The following PMS2 variants were observed in gnomAD, a reference collection of about 807,000 sequenced individuals.
PMS2 encodes mismatch repair endonuclease PMS2.
Under a neutral mutation model 90.0 loss-of-function variants are expected in PMS2, and 69 were observed. The observed-to-expected ratio is 0.77, with a 90% CI of 0.63 to 0.94. PMS2 has a LOEUF of 0.94. Among genes scored for constraint, PMS2 ranks in the 40% least tolerant of loss-of-function variants. The probability of loss-of-function intolerance (pLI) is 0.00; values close to 1 mark genes in which losing one functional copy is unlikely to be tolerated. For synonymous variants in PMS2, 332 were observed against 375.1 expected, an observed-to-expected ratio of 0.89 and a Z score of 1.33; for missense variants, 966 against 1,040.2, an observed-to-expected ratio of 0.93 and a Z score of 0.98.
chr7:5,981,895 G>A (rs1782315670), intron 12 of PMS2, among the ~76,000 whole-genome samples: 1 of 151,690 alleles, frequency 6.6e-6, no homozygotes, highest in African/African-American at 2.4e-5. Context: ...AACAGTGCCT[G>A]GCAGATTCTA....
At chr7:5,999,056 C>CTTATT in intron 6 of PMS2, 52 bp downstream of exon 6, 1 of 1,541,358 alleles carries the variant, frequency 6.5e-7, no homozygotes, top group Non-Finnish European at 9.0e-7. Flanking sequence ...AATGGAAACC[C>CTTATT]GCTATAATCA....
intron 2 of PMS2, 150 bp downstream of exon 2, chr7:6,005,742 C>T: frequency 1.8e-6 from 2 of 1,132,186 alleles, no homozygotes; most frequent in Non-Finnish European, 2.6e-6. Flanking sequence ...TAGCTAAGTA[C>T]TAGGCACATA....
rs1554298642 is a variant in PMS2, at chr7:5,989,796, T to C, written c.1144+4A>G. On this transcript the variant is annotated splice_donor_region_variant and intron_variant, in intron 10 of 14. Coordinates refer to ENST00000265849, the MANE Select transcript of PMS2 (RefSeq NM_000535.7). ...AAGCTGTTTGTACACTGTATTTTTCTTACCTTCAACATCCAGCAGTGGCTG... is the reference window on the plus strand; with the variant it reads ...AAGCTGTTTGTACACTGTATTTTTCCTACCTTCAACATCCAGCAGTGGCTG... 3 of 1,610,354 alleles carry C rather than the reference T, an allele frequency of 1.9e-6. No homozygotes were observed. Among genetic ancestry groups the C allele is most frequent in the Non-Finnish European group, 2.5e-6 (3 of 1,176,922 alleles).
chr7:5,987,213 C>G lies in PMS2; in HGVS notation c.1552G>C (p.Glu518Gln). The G allele has an allele frequency of 6.2e-7, 1 of 1,614,108 alleles. No individual in the cohort carries two copies. Residue 518 changes from glutamate to glutamine, a missense_variant, in exon 11 of 15, where the codon GAG (glutamate) becomes CAG (glutamine). Around this residue, in one of 2 missense-constraint regions of PMS2, gnomAD observed 871 missense variants for 802.4 expected, o/e 1.09. Coordinates refer to ENST00000265849, the MANE Select transcript of PMS2 (RefSeq NM_000535.7). ...TCCCCTGGGGAGCTGGCCGCATACT[C>G]GCTGCTGCAGTGACTGCCCGTGTCT... is the stretch of plus-strand genomic sequence containing the variant. ...IPDTGSHCSS[E>Q]YAASSPGDRG... is the part of the protein sequence containing the mutation.
At position 5,995,534 on chromosome 7, in the gene PMS2, C is replaced by A. The variant is rs267608153; in HGVS notation, c.903G>T (p.Lys301Asn). ...FINRRPCDPA[K>N]VCRLVNEVYH... Reference sequence around the variant, plus strand: ...ACTAACACAAAAAAATTTTAAATACCTTTGCTGGGTCACAAGGCCGCCGGT... The same window carrying A: ...ACTAACACAAAAAAATTTTAAATACATTTGCTGGGTCACAAGGCCGCCGGT... Residue 301 changes from lysine (K) to asparagine (N), a missense_variant and splice_region_variant, in exon 8 of 15, where the codon AAG (lysine) becomes AAT (asparagine). Coordinates refer to ENST00000265849, the MANE Select transcript of PMS2 (RefSeq NM_000535.7). The A allele has an allele frequency of 6.2e-7, 1 of 1,609,560 alleles. No homozygotes were observed. The highest frequency in any genetic ancestry group is 1.7e-5 in the Admixed American group (1 of 59,966).
intron 7 of PMS2, among the ~76,000 whole-genome samples, chr7:5,996,507 G>A (rs1784403569): frequency 6.7e-6 from 1 of 149,846 alleles, no homozygotes; most frequent in Non-Finnish European, 1.5e-5. Flanking sequence ...GGGAGGCAGA[G>A]GTTGCAGTGA....
At chr7:5,984,025 A>G (rs564097787) in intron 11 of PMS2, among the ~76,000 whole-genome samples, 23 of 151,960 alleles carry the variant, frequency 1.5e-4, no homozygotes, top group East Asian at 7.7e-4. Flanking sequence ...CAAATCCCCT[A>G]CTAAAGGACA....
chr7:6,002,465 C>T lies in PMS2; in HGVS notation c.525G>A (p.Arg175=), dbSNP rs1554303870. The change falls in exon 5 of 15, where the codon AGG becomes AGA. Residue 175 remains arginine (R), a synonymous_variant. Transcript: ENST00000265849. The stretch of plus-strand genomic sequence containing the variant: ...TAATTTACTGTACCTTCTTAATATT[C>T]CTTTGAAATTCCTTATGGCGCACAG... ...TLPVRHKEFQ[R]NIKKEYAKMV... The T allele has an allele frequency of 1.2e-6, 2 of 1,608,182 alleles. No homozygotes were observed. Among genetic ancestry groups the T allele is most frequent in the Non-Finnish European group, 1.7e-6 (2 of 1,176,796 alleles).
chr7:6,006,939 C>A (rs1028128516), intron 1 of PMS2, among the ~76,000 whole-genome samples: 25 of 152,110 alleles, frequency 1.6e-4, no homozygotes, highest in African/African-American at 5.6e-4. Flanking sequence ...TTTTTGAAAT[C>A]ACAAATCTGG....
intron 5 of PMS2, 46 bp downstream of exon 5, chr7:6,002,407 T>C (rs568887110): frequency 2.5e-6 from 3 of 1,210,222 alleles, no homozygotes; most frequent in East Asian, 2.3e-5. Flanking sequence ...CTTTTGCTCA[T>C]GTGCATTAAC....
At chr7:5,982,012 T>G (rs1263489093) in intron 12 of PMS2, among the ~76,000 whole-genome samples, 1 of 151,770 alleles carries the variant, frequency 6.6e-6, no homozygotes, top group Non-Finnish European at 1.5e-5. Context: ...ACATATAAAC[T>G]ATTAGGTCTC....
intron 14 of PMS2, among the ~76,000 whole-genome samples, chr7:5,976,069 T>C (rs1483460559): frequency 6.9e-6 from 1 of 144,502 alleles, no homozygotes; most frequent in Admixed American, 7.0e-5. Flanking sequence ...TGAAACCCCA[T>C]CTCTATTAAA....
At chr7:6,005,718 T>C (rs1312556124) in intron 2 of PMS2, among the ~76,000 whole-genome samples, 174 bp downstream of exon 2, 1 of 152,224 alleles carries the variant, frequency 6.6e-6, no homozygotes, top group East Asian at 1.9e-4. Context: ...AAAGCTGTTA[T>C]TATTATTACT....
intron 5 of PMS2, among the ~76,000 whole-genome samples, chr7:5,999,988 A>G (rs1274175868): frequency 6.6e-6 from 1 of 152,156 alleles, no homozygotes; most frequent in East Asian, 1.9e-4. Context: ...TGAGGAGTTG[A>G]TTAATTATGG....
rs587780052 is a variant in PMS2, at chr7:5,977,745, T to C, written c.2288A>G (p.Glu763Gly). The C allele has an allele frequency of 1.1e-5, 17 of 1,605,912 alleles. 3 individuals are homozygous for C. Among genetic ancestry groups the C allele is most frequent in the Non-Finnish European group, 1.4e-5 (17 of 1,174,510 alleles). Residue 763 changes from glutamate (E) to glycine (G), a missense_variant, in exon 14 of 15, where the codon GAA becomes GGA. Physicochemically the swap from Glu to Gly is moderately conservative, Grantham distance 98. Transcript: ENST00000265849. ...TGGCAAGGAAATCAGTTTAGCCCTTTCAGTGACTGGAGCTAAAAGAATACA... is the reference window on the plus strand; with the variant it reads ...TGGCAAGGAAATCAGTTTAGCCCTTCCAGTGACTGGAGCTAAAAGAATACA... Reference protein sequence around the residue: ...FVIDENAPVTERAKLISLPTS... With the variant: ...FVIDENAPVTGRAKLISLPTS...
intron 9 of PMS2, among the ~76,000 whole-genome samples, chr7:5,990,923 G>A (rs753545223): frequency 6.6e-6 from 1 of 152,160 alleles, no homozygotes; most frequent in African/African-American, 2.4e-5. Flanking sequence ...GCTGAGGCGG[G>A]AGAATCGCTT....
chr7:5,999,329 T>C, intron 5 of PMS2, 54 bp from the exon 6 acceptor site: 2 of 1,490,572 alleles, frequency 1.3e-6, no homozygotes, highest in Non-Finnish European at 1.9e-6. Flanking sequence ...TTATAGGAAT[T>C]ACACAGCTCA....
chr7:5,996,612 T>TAC (rs56134804), intron 7 of PMS2, among the ~76,000 whole-genome samples: 3 of 129,590 alleles, frequency 2.3e-5, no homozygotes, highest in Admixed American at 8.0e-5. Context: ...TATATATATA[T>TAC]ACACACAGAT....
intron 9 of PMS2, among the ~76,000 whole-genome samples, chr7:5,991,346 T>A (rs1176960281): frequency 6.6e-6 from 1 of 151,502 alleles, no homozygotes; most frequent in African/African-American, 2.4e-5. Context: ...TTTCTAAGTA[T>A]CTAGAAAAAA....
Sources: gnomAD v4.1 joint callset for allele counts (sites outside exome capture counted in the v4.1 genomes callset) on GRCh38, gnomAD v4.1.1 for gene constraint, gnomAD v4.1.1 regional missense constraint, MANE v1.5 for transcripts, NCBI Gene and HGNC (gene_info 2026-07-23, HGNC 2026-07-21) for gene names.